ZFHX3: variants seen among roughly 807,000 people sequenced by gnomAD.
ZFHX3 encodes the protein zinc finger homeobox 3, also known as zinc finger homeobox protein 3.
ZFHX3 carries 42 observed loss-of-function variants against 279.1 expected under a neutral mutation model. The observed-to-expected ratio is 0.15, with a 90% CI of 0.12 to 0.19. The LOEUF is 0.19. Ranked by LOEUF, ZFHX3 falls within the 10% of genes least tolerant of loss-of-function variation. The pLI, the probability that ZFHX3 is intolerant of heterozygous loss-of-function variation, is 1.00. For missense variants in ZFHX3, 4,981 were observed against 4,754.0 expected (o/e 1.05, Z -1.40); for synonymous variants, 2,293 against 1,957.8 (o/e 1.17, Z -4.52).
chr16:73,138,557 T>C (rs932668382), intron 6 of ZFHX3, among the ~76,000 whole-genome samples: 1 of 152,080 alleles, frequency 6.6e-6, no homozygotes, highest in Non-Finnish European at 1.5e-5. Context: ...ACCCCAGGGA[T>C]ATAAAAATTC....
rs2016018912 is a variant in ZFHX3, at chr16:73,340,883, T to C, written c.-1290-22547A>G. Among the ~76,000 whole-genome samples the C allele has an allele frequency of 2.0e-5, 3 of 152,216 alleles. No homozygotes were observed. The South Asian group carries it at 6.2e-4, about 32-fold the overall frequency. ...AAATGACTTCTAACTTGAGTCAATA[T>C]CCACAGTCAATAGAAGATTGATAAA... On this transcript the variant is annotated intron_variant, in intron 3 of 17. Coordinates refer to the ZFHX3 transcript ENST00000641206.
At chr16:73,500,856 A>G (rs184125178) in intron 2 of ZFHX3, among the ~76,000 whole-genome samples, 36 of 152,332 alleles carry the variant, frequency 2.4e-4, no homozygotes, top group African/African-American at 7.5e-4. Context: ...TTATTGAAGA[A>G]AGAATACTGA....
chr16:72,973,699 A>T (rs8061096), intron 1 of ZFHX3: 29,134 of 152,108 alleles, frequency 0.19, 3,300 homozygotes, highest in East Asian at 0.46. Context: ...GCCAACATGG[A>T]GAAACCCACT....
Position 73,725,540 on chromosome 16 carries a change from AGTGTGTGT to A in ZFHX3, c.-1607-45308_-1607-45301del, listed in dbSNP as rs35247672. Among the ~76,000 whole-genome samples the A allele has an allele frequency of 4.7e-5, 7 of 148,356 alleles. No individual in the cohort carries two copies. The South Asian group carries it at 1.5e-3, about 33-fold the overall frequency. On this transcript the variant is annotated intron_variant, in intron 1 of 17. Coordinates refer to the ZFHX3 transcript ENST00000641206. ...CTCCAACAGAGTGTGAGTGTGAGTG[AGTGTGTGT>A]GTGTGTGTGTGTGTGTGTGTAGGCT...
intron 2 of ZFHX3, among the ~76,000 whole-genome samples, chr16:73,462,144 G>T (rs1364024358): frequency 2.0e-5 from 3 of 151,820 alleles, no homozygotes; most frequent in African/African-American, 7.3e-5. Context: ...TTTTTAATTT[G>T]GTTTCCATGT....
chr16:73,725,226 G>A (rs950451341), intron 1 of ZFHX3, among the ~76,000 whole-genome samples: 1 of 152,156 alleles, frequency 6.6e-6, no homozygotes, highest in Non-Finnish European at 1.5e-5. Flanking sequence ...TTTTAAAAAG[G>A]CTTTTATATA....
At chr16:73,194,345 G>A (rs925388648) in intron 5 of ZFHX3, among the ~76,000 whole-genome samples, 6 of 151,902 alleles carry the variant, frequency 3.9e-5, no homozygotes, top group East Asian at 1.9e-4. Flanking sequence ...CACTATAGGC[G>A]TGCACCACCA....
At chr16:72,954,383 TG>T (rs1395327579) in intron 2 of ZFHX3, among the ~76,000 whole-genome samples, 214 of 151,764 alleles carry the variant, frequency 1.4e-3, no homozygotes, top group African/African-American at 5.0e-3. Context: ...AAAAAAGAAA[TG>T]AAAAAAAGAA....
intron 1 of ZFHX3, among the ~76,000 whole-genome samples, chr16:73,722,064 A>C (rs1163305537): frequency 6.6e-6 from 1 of 152,210 alleles, no homozygotes; most frequent in African/African-American, 2.4e-5. Context: ...AAAACAAAAC[A>C]AAACAGAACA....
chr16:72,983,551 T>A (rs981223803), intron 1 of ZFHX3, among the ~76,000 whole-genome samples: 1 of 151,912 alleles, frequency 6.6e-6, no homozygotes, highest in African/African-American at 2.4e-5. Flanking sequence ...CTACAAAAAT[T>A]AAAAAATTAG....
At chr16:73,404,997 A>G (rs1207174147) in intron 3 of ZFHX3, among the ~76,000 whole-genome samples, 1 of 152,196 alleles carries the variant, frequency 6.6e-6, no homozygotes, top group African/African-American at 2.4e-5. Context: ...CAACGGTCCA[A>G]GGTGGCAGAG....
Position 72,797,687 on chromosome 16 carries a change from G to A in ZFHX3, c.4995C>T (p.Thr1665=). Residue 1665 remains threonine, a synonymous_variant, in exon 9 of 10, where the codon ACC becomes ACT. Transcript: ENST00000268489. ...CAATGCCAGCACTGCTTGGATTGGA[G>A]GTGGTAAAGGTGTTACTGCCACTGG... The part of the protein sequence containing the change: ...VSTSGSNTFT[T]SNPSSAGIAP... The A allele has an allele frequency of 6.2e-7, 1 of 1,614,120 alleles. No individual in the cohort carries two copies. The highest frequency in any genetic ancestry group is 8.5e-7 in the Non-Finnish European group (1 of 1,180,040).
At chr16:73,160,632 C>T (rs1410431488) in intron 5 of ZFHX3, among the ~76,000 whole-genome samples, 1 of 152,186 alleles carries the variant, frequency 6.6e-6, no homozygotes, top group East Asian at 1.9e-4. Flanking sequence ...TAATCACATT[C>T]CTTAATTGCT....
chr16:72,787,039 CTTTTTTTTTTT>C lies in ZFHX3; in HGVS notation c.*114_*124del. ...ACAACCCACGCTTTTTCTTTTTTTT[CTTTTTTTTTTT>C]TTTTTTGTTTTTTGGTTAGAAGCTT... On this transcript the variant is annotated 3_prime_UTR_variant, in exon 10 of 10. Coordinates refer to ENST00000268489, the MANE Select transcript of ZFHX3 (RefSeq NM_006885.4). The C allele has an allele frequency of 1.5e-6, 1 of 677,002 alleles. No individual in the cohort carries two copies. Among genetic ancestry groups the C allele is most frequent in the Non-Finnish European group, 1.9e-6 (1 of 534,198 alleles). The allele number at this position is 677,002 out of a possible 1,614,324, so 41.9% of individuals were successfully genotyped here.
At chr16:72,861,983 C>A (rs993017386) in intron 4 of ZFHX3, among the ~76,000 whole-genome samples, 2 of 152,094 alleles carry the variant, frequency 1.3e-5, no homozygotes, top group Non-Finnish European at 2.9e-5. Context: ...CCACTGCACT[C>A]TAGCCTGGGC....
At chr16:72,831,911 A>G (rs2143733079) in intron 4 of ZFHX3, among the ~76,000 whole-genome samples, 1 of 152,310 alleles carries the variant, frequency 6.6e-6, no homozygotes, top group East Asian at 1.9e-4. Context: ...CCTACTGCCC[A>G]AGGTCATCGC....
intron 5 of ZFHX3, among the ~76,000 whole-genome samples, chr16:73,219,856 T>G (rs1054582718): frequency 6.6e-6 from 1 of 152,056 alleles, no homozygotes; most frequent in African/African-American, 2.4e-5. Flanking sequence ...GAAGCCAAAG[T>G]GGGCAGATGA....
chr16:72,874,038 C>A (rs1386988132), intron 4 of ZFHX3, among the ~76,000 whole-genome samples: 1 of 152,026 alleles, frequency 6.6e-6, no homozygotes, highest in Non-Finnish European at 1.5e-5. Context: ...TCTGTTGTGC[C>A]CGAGGACAGT....
chr16:72,919,775 A>ATTT (rs1567583993), intron 3 of ZFHX3, among the ~76,000 whole-genome samples: 4 of 49,568 alleles, frequency 8.1e-5, no homozygotes, highest in Non-Finnish European at 1.4e-4. Flanking sequence ...TATATGCACC[A>ATTT]TCTTTTTTTT....
Sources: gnomAD v4.1 joint callset for allele counts (sites outside exome capture counted in the v4.1 genomes callset) on GRCh38, gnomAD v4.1.1 for gene constraint, MANE v1.5 for transcripts, NCBI Gene and HGNC (gene_info 2026-07-23, HGNC 2026-07-21) for gene names.